Variants in JAZF1 observed in about 807,000 individuals in gnomAD.
JAZF1 encodes the protein JAZF zinc finger 1.
In JAZF1, 8 loss-of-function variants were observed where a neutral mutation model predicts 26.4. The ratio of observed to expected loss-of-function variants is 0.30; its 90% CI spans 0.18 to 0.55. The LOEUF (loss-of-function observed/expected upper bound fraction) is 0.55. JAZF1 is among the 20% of genes least tolerant of loss of function. JAZF1 has a pLI of 0.94. For missense variants in JAZF1, 199 were observed against 322.0 expected, an observed-to-expected ratio of 0.62 and a Z score of 2.92; for synonymous variants, 126 against 122.3, an observed-to-expected ratio of 1.03 and a Z score of -0.20.
chr7:28,119,661 T>C (rs543229994), intron 1 of JAZF1, among the ~76,000 whole-genome samples: 1 of 152,348 alleles, frequency 6.6e-6, no homozygotes, highest in South Asian at 2.1e-4. Context: ...TAAATGGTAC[T>C]TTCTCAAAAA....
intron 3 of JAZF1, among the ~76,000 whole-genome samples, chr7:27,877,913 C>A (rs1020784616): frequency 3.3e-5 from 5 of 152,166 alleles, no homozygotes; most frequent in Non-Finnish European, 7.3e-5. Flanking sequence ...AAGTGCTTCA[C>A]ACCTAAGATG....
chr7:28,130,045 T>C (rs1298297017), intron 1 of JAZF1, among the ~76,000 whole-genome samples: 1 of 152,198 alleles, frequency 6.6e-6, no homozygotes, highest in Non-Finnish European at 1.5e-5. Flanking sequence ...AGCACATAAA[T>C]ACAAATATTT....
intron 3 of JAZF1, among the ~76,000 whole-genome samples, chr7:27,882,680 A>C (rs1356737120): frequency 6.6e-6 from 1 of 152,182 alleles, no homozygotes. Context: ...AGGTTCTTTA[A>C]TGCTGTGCAG....
At position 27,874,790 on chromosome 7, in the gene JAZF1, C is replaced by T. The variant is rs561515543; in HGVS notation, c.385+20430G>A. Among the ~76,000 whole-genome samples the T allele has an allele frequency of 1.4e-4, 22 of 152,266 alleles. No individual in the cohort carries two copies. In the South Asian group the frequency reaches 4.1e-3, roughly 29 times the overall value. On this transcript the variant is annotated intron_variant, in intron 3 of 4. Transcript: ENST00000283928. Reference sequence around the variant, plus strand: ...TGAGGGCTGGCTTGGCGTGGCACTGCCTTGGGCCCTGGGTGGGAAGGCTGG... The same window carrying T: ...TGAGGGCTGGCTTGGCGTGGCACTGTCTTGGGCCCTGGGTGGGAAGGCTGG...
intron 2 of JAZF1, among the ~76,000 whole-genome samples, chr7:27,904,503 G>A (rs1784216903): frequency 6.6e-6 from 1 of 152,100 alleles, no homozygotes; most frequent in African/African-American, 2.4e-5. Flanking sequence ...CTTTTCAGTA[G>A]AAAAGAGAAA....
chr7:27,883,698 C>T (rs1450935308), intron 3 of JAZF1, among the ~76,000 whole-genome samples: 1 of 152,162 alleles, frequency 6.6e-6, no homozygotes, highest in African/African-American at 2.4e-5. Context: ...GGAAACAAAA[C>T]ACTTTGGGTA....
intron 2 of JAZF1, among the ~76,000 whole-genome samples, chr7:27,925,720 C>A (rs1269885216): frequency 6.6e-6 from 1 of 152,208 alleles, no homozygotes; most frequent in Non-Finnish European, 1.5e-5. Context: ...AGCCATGTGC[C>A]CAGCCCAAGG....
chr7:28,036,226 C>A (rs930421170), intron 1 of JAZF1, among the ~76,000 whole-genome samples: 1 of 152,232 alleles, frequency 6.6e-6, no homozygotes, highest in Non-Finnish European at 1.5e-5. Context: ...TTCCATTATA[C>A]ATTCAAGTCC....
At chr7:27,913,584 G>C (rs1253616636) in intron 2 of JAZF1, 1 of 228,444 alleles carries the variant, frequency 4.4e-6, no homozygotes, top group Non-Finnish European at 9.5e-6. Context: ...TTCACACTGA[G>C]TCAGAGCACA....
chr7:28,104,684 A>T (rs556206619), intron 1 of JAZF1, among the ~76,000 whole-genome samples: 1 of 152,286 alleles, frequency 6.6e-6, no homozygotes, highest in South Asian at 2.1e-4. Context: ...CAAGGTTGGT[A>T]ACTGAGAATT....
At chr7:28,113,519 T>C (rs1784695757) in intron 1 of JAZF1, among the ~76,000 whole-genome samples, 1 of 152,200 alleles carries the variant, frequency 6.6e-6, no homozygotes, top group Non-Finnish European at 1.5e-5. Flanking sequence ...ACCAGATACC[T>C]GCAGAAGAAA....
intron 1 of JAZF1, among the ~76,000 whole-genome samples, chr7:28,022,750 T>G (rs1783027488): frequency 6.6e-6 from 1 of 152,018 alleles, no homozygotes; most frequent in Non-Finnish European, 1.5e-5. Flanking sequence ...TCACTGTTGT[T>G]GTTGTTTTTG....
chr7:28,043,381 G>C (rs911306360), intron 1 of JAZF1, among the ~76,000 whole-genome samples: 3 of 152,036 alleles, frequency 2.0e-5, no homozygotes, highest in South Asian at 2.1e-4. Context: ...GAGAGCCAGA[G>C]CGTGAACTAC....
chr7:28,013,778 G>A (rs1782838292), intron 1 of JAZF1, among the ~76,000 whole-genome samples: 1 of 151,996 alleles, frequency 6.6e-6, no homozygotes, highest in African/African-American at 2.4e-5. Context: ...CAGGGCTGAG[G>A]AAATCTCCCT....
intron 1 of JAZF1, among the ~76,000 whole-genome samples, chr7:28,050,930 A>C (rs1317137828): frequency 6.6e-6 from 1 of 152,014 alleles, no homozygotes; most frequent in Non-Finnish European, 1.5e-5. Flanking sequence ...TCAGGAGTTC[A>C]AGACCAGCCT....
Position 28,107,754 on chromosome 7 carries a change from T to C in JAZF1, c.115+72709A>G, listed in dbSNP as rs1562589774. Among the ~76,000 whole-genome samples, 3 of 152,254 alleles carry C rather than the reference T, an allele frequency of 2.0e-5. No individual in the cohort carries two copies. In the South Asian group the frequency reaches 6.2e-4, roughly 32 times the overall value. ...AGGAAAGAATACACAGAGACACCAT[T>C]TCCGTTGTTAGACACACATATCTAA... On this transcript the variant is annotated intron_variant, in intron 1 of 4. Transcript: ENST00000283928.
intron 1 of JAZF1, among the ~76,000 whole-genome samples, chr7:28,145,944 G>T (rs996330419): frequency 2.0e-5 from 3 of 152,216 alleles, no homozygotes; most frequent in African/African-American, 7.2e-5. Flanking sequence ...ATGTTGCTAT[G>T]TGGATGAGGA....
chr7:27,847,107 G>A lies in JAZF1; in HGVS notation c.386-6240C>T, dbSNP rs367898799. 4.0e-5 allele frequency among the ~76,000 whole-genome samples: 6 copies of A among 151,138 alleles called. No individual in the cohort carries two copies. The East Asian group carries it at 1.2e-3, about 29-fold the overall frequency. ...GCCTCCCAAGTAGCTGGGATTATAGGCATGTACCACCACAGGCATGCACCA... is the reference window on the plus strand; with the variant it reads ...GCCTCCCAAGTAGCTGGGATTATAGACATGTACCACCACAGGCATGCACCA... On this transcript the variant is annotated intron_variant, in intron 3 of 4. Coordinates refer to ENST00000283928, the MANE Select transcript of JAZF1 (RefSeq NM_175061.4).
chr7:28,124,609 T>C (rs1296159523), intron 1 of JAZF1, among the ~76,000 whole-genome samples: 4 of 152,180 alleles, frequency 2.6e-5, no homozygotes, highest in Admixed American at 2.6e-4. Context: ...CCATGTCCTT[T>C]GCACTTTACC....
Sources: allele counts gnomAD v4.1 joint callset (sites outside exome capture counted in the v4.1 genomes callset), GRCh38; gene constraint gnomAD v4.1.1; transcripts MANE v1.5; gene names NCBI Gene and HGNC (gene_info 2026-07-23, HGNC 2026-07-21).